The following PARN variants were observed in gnomAD, a reference collection of about 807,000 sequenced individuals.
PARN encodes the protein poly(A)-specific ribonuclease.
Under a neutral mutation model 102.8 loss-of-function variants are expected in PARN, and 71 were observed. The observed-to-expected ratio is 0.69, with a 90% CI of 0.57 to 0.84. The LOEUF is 0.84. PARN is among the 40% of genes least tolerant of loss of function. PARN has a pLI of 0.00. For missense variants in PARN, 782 were observed against 760.9 expected (o/e 1.03, Z -0.33); for synonymous variants, 261 against 252.9 (o/e 1.03, Z -0.30).
intron 18 of PARN, among the ~76,000 whole-genome samples, chr16:14,573,743 G>C (rs1005547274): frequency 3.9e-5 from 6 of 152,186 alleles, no homozygotes; most frequent in African/African-American, 1.4e-4. Context: ...ACGAGATCTG[G>C]TGTTTTAAAA....
At chr16:14,470,405 TA>T (rs1416268583) in intron 22 of PARN, among the ~76,000 whole-genome samples, 1 of 150,644 alleles carries the variant, frequency 6.6e-6, no homozygotes, top group Non-Finnish European at 1.5e-5. Context: ...ATTACAAATT[TA>T]AAAAAACTAT....
intron 22 of PARN, among the ~76,000 whole-genome samples, chr16:14,469,905 T>C (rs1251904681): frequency 3.3e-5 from 5 of 152,108 alleles, no homozygotes; most frequent in Non-Finnish European, 7.4e-5. Flanking sequence ...ATGGAAAAAA[T>C]AGTATTTCAC....
At chr16:14,513,058 G>A (rs756268169) in intron 21 of PARN, among the ~76,000 whole-genome samples, 3 of 149,544 alleles carry the variant, frequency 2.0e-5, no homozygotes, top group Non-Finnish European at 4.4e-5. Context: ...CTGAGTAGCT[G>A]GGATTACAGG....
At chr16:14,458,412 A>C (rs1961787794) in intron 22 of PARN, among the ~76,000 whole-genome samples, 1 of 152,220 alleles carries the variant, frequency 6.6e-6, no homozygotes, top group South Asian at 2.1e-4. Context: ...CAGAAAATAA[A>C]CTACTTTTTA....
At chr16:14,471,066 A>T (rs1209433997) in intron 22 of PARN, among the ~76,000 whole-genome samples, 1 of 152,208 alleles carries the variant, frequency 6.6e-6, no homozygotes, top group East Asian at 1.9e-4. Context: ...TACAGGTATG[A>T]GCTACCATGC....
intron 12 of PARN, among the ~76,000 whole-genome samples, chr16:14,596,007 G>A (rs944062136): frequency 6.6e-6 from 1 of 152,138 alleles, no homozygotes; most frequent in African/African-American, 2.4e-5. Flanking sequence ...CATATACAGA[G>A]AGACACAGAA....
intron 22 of PARN, among the ~76,000 whole-genome samples, chr16:14,448,478 A>T (rs1961300891): frequency 6.6e-6 from 1 of 151,656 alleles, no homozygotes; most frequent in Non-Finnish European, 1.5e-5. Context: ...AGTAGAGGTG[A>T]GGTTTCACCA....
intron 18 of PARN, chr16:14,576,307 TGTAGA>T (rs1340675807): frequency 3.9e-5 from 6 of 152,214 alleles, no homozygotes; most frequent in African/African-American, 1.4e-4. Context: ...GAAGCAGTCC[TGTAGA>T]GTAAACTGCA....
chr16:14,606,428 T>A (rs1009890735), intron 10 of PARN, 56 bp downstream of exon 10: 27 of 901,502 alleles, frequency 3.0e-5, no homozygotes, highest in Non-Finnish European at 4.3e-5. Context: ...AAGAAACCCC[T>A]AACAGTGTAA....
chr16:14,465,121 G>C (rs553452530), intron 22 of PARN, among the ~76,000 whole-genome samples: 2 of 152,174 alleles, frequency 1.3e-5, no homozygotes, highest in African/African-American at 4.8e-5. Context: ...AGGCTGGAGT[G>C]CAGTGGTGTG....
At chr16:14,621,577 C>T (rs1042411568) in intron 5 of PARN, among the ~76,000 whole-genome samples, 2 of 152,070 alleles carry the variant, frequency 1.3e-5, no homozygotes, top group East Asian at 1.9e-4. Flanking sequence ...CTTTGGGAGG[C>T]GAGGCAGGCA....
chr16:14,602,722 G>C (rs1017525986), intron 11 of PARN, among the ~76,000 whole-genome samples: 1 of 152,102 alleles, frequency 6.6e-6, no homozygotes, highest in Non-Finnish European at 1.5e-5. Flanking sequence ...TATGAGGCCA[G>C]CTCCCACCCC....
chr16:14,464,357 G>A (rs892705068), intron 22 of PARN, among the ~76,000 whole-genome samples: 4 of 152,122 alleles, frequency 2.6e-5, no homozygotes, highest in East Asian at 3.8e-4. Context: ...GATTTCTGTC[G>A]AGAAATAATG....
In PARN at chr16:14,610,825, A is replaced by T; in HGVS notation, c.389-16T>A. 6.4e-7 allele frequency: 1 copy of T among 1,565,524 alleles called. No homozygotes were observed. The highest frequency in any genetic ancestry group is 8.8e-7 in the Non-Finnish European group (1 of 1,137,212). On this transcript the variant is annotated splice_polypyrimidine_tract_variant and intron_variant, in intron 6 of 23. Coordinates refer to ENST00000437198, the MANE Select transcript of PARN (RefSeq NM_002582.4). ...TATGGAATTCCTAAACACGATTTTA[A>T]AAAGAATGCATTAGCAGAAGTAACT...
chr16:14,547,517 C>G (rs1270498436), intron 21 of PARN, among the ~76,000 whole-genome samples: 1 of 151,932 alleles, frequency 6.6e-6, no homozygotes, highest in Admixed American at 6.5e-5. Context: ...ACCAGCCGAG[C>G]AACATGGCAA....
intron 6 of PARN, among the ~76,000 whole-genome samples, chr16:14,612,428 T>A (rs1175351076): frequency 2.0e-5 from 3 of 151,276 alleles, no homozygotes; most frequent in Admixed American, 1.3e-4. Flanking sequence ...GGTGTGACAC[T>A]GTCTCAAAAA....
chr16:14,487,558 T>G (rs1007867838), intron 21 of PARN, among the ~76,000 whole-genome samples: 1 of 152,244 alleles, frequency 6.6e-6, no homozygotes, highest in Non-Finnish European at 1.5e-5. Context: ...AGCAAAAATA[T>G]TCCAACATTT....
intron 14 of PARN, among the ~76,000 whole-genome samples, chr16:14,585,383 T>G (rs1020791921): frequency 6.7e-6 from 1 of 148,416 alleles, no homozygotes; most frequent in African/African-American, 2.5e-5. Flanking sequence ...TTTTTTTTTT[T>G]TCATATAAAT....
At chr16:14,486,405 A>C (rs1222065467) in intron 21 of PARN, among the ~76,000 whole-genome samples, 1 of 152,180 alleles carries the variant, frequency 6.6e-6, no homozygotes, top group Non-Finnish European at 1.5e-5. Flanking sequence ...AATTTGGATT[A>C]CCAAGTAGGA....
Sources: allele counts gnomAD v4.1 joint callset (sites outside exome capture counted in the v4.1 genomes callset), GRCh38; gene constraint gnomAD v4.1.1; transcripts MANE v1.5; gene names NCBI Gene and HGNC (gene_info 2026-07-23, HGNC 2026-07-21).